Variants in KLF6 observed in about 807,000 individuals in gnomAD.
KLF6 encodes the protein KLF transcription factor 6.
For missense variants in KLF6, 233 were observed against 359.8 expected, an observed-to-expected ratio of 0.65 and a Z score of 2.85; for synonymous variants, 152 against 147.9, an observed-to-expected ratio of 1.03 and a Z score of -0.20.
Position 3,784,604 on chromosome 10 carries a change from A to AC in KLF6, c.102+308_102+309insG, listed in dbSNP as rs574404143. On this transcript the variant is annotated intron_variant, in intron 1 of 3. Transcript: ENST00000497571. ...AAAACAACAAAAAACAAACAAACAA[A>AC]AAAAAAACACCTTGGCAGGCAGAGC... 1.3e-3 allele frequency among the ~76,000 whole-genome samples: 192 copies of AC among 152,026 alleles called. 2 individuals are homozygous for AC. The highest frequency in any genetic ancestry group is 5.8e-3 in the South Asian group (28 of 4,808).
At position 3,776,250 on chromosome 10, in the gene KLF6, C is replaced by T. The variant is rs1486868550; in HGVS notation, c.*3289G>A. ...GTGCAGGTGCCTCTGCAATGCATTCCCTGGCTTGAGCAATGGAAGATCAAA... is the reference window on the plus strand; with the variant it reads ...GTGCAGGTGCCTCTGCAATGCATTCTCTGGCTTGAGCAATGGAAGATCAAA... On this transcript the variant is annotated 3_prime_UTR_variant, in exon 4 of 4. Coordinates refer to ENST00000497571, the MANE Select transcript of KLF6 (RefSeq NM_001300.6). The T allele has an allele frequency of 1.9e-6, 1 of 525,780 alleles. No homozygotes were observed. Among genetic ancestry groups the T allele is most frequent in the Non-Finnish European group, 3.7e-6 (1 of 271,922 alleles). 32.6% of individuals were successfully genotyped at this position (525,780 alleles called of 1,614,324 possible). A position where few individuals can be genotyped will look rare whatever the true frequency, so the allele number is the denominator to read the frequency against.
In KLF6 at chr10:3,776,508, G is replaced by T. The variant is rs1329088359; in HGVS notation, c.*3031C>A. The T allele has an allele frequency of 1.9e-6, 1 of 529,386 alleles. No individual in the cohort carries two copies. Among genetic ancestry groups the T allele is most frequent in the African/African-American group, 1.9e-5 (1 of 53,470 alleles). 32.8% of individuals were successfully genotyped at this position (529,386 alleles called of 1,614,324 possible). A position where few individuals can be genotyped will look rare whatever the true frequency, so the allele number is the denominator to read the frequency against. On this transcript the variant is annotated 3_prime_UTR_variant, in exon 4 of 4. Transcript: ENST00000497571. ...AGGGTGATGAATGCAGGAGGAATCT[G>T]TTCCAACAACCCCCTTCCCCCAAAA...
rs746349787 is a variant in KLF6 at position 3,781,527 on chromosome 10, G to A, written c.676+114C>T. On this transcript the variant is annotated intron_variant, in intron 2 of 3. Coordinates refer to ENST00000497571, the MANE Select transcript of KLF6 (RefSeq NM_001300.6). The surrounding 1 kb of genome is among the most constrained non-coding windows in gnomAD (Gnocchi z 5.8). The stretch of plus-strand genomic sequence containing the variant: ...TGGTGGAAAACATCTGAGGAAGTGA[G>A]GATTTGTCTGCCCTGACCACATCCT... 21 of 1,556,916 alleles carry A rather than the reference G, an allele frequency of 1.3e-5. No individual in the cohort carries two copies. The highest frequency in any genetic ancestry group is 1.8e-5 in the Non-Finnish European group (21 of 1,150,236).
At position 3,782,044 on chromosome 10, in the gene KLF6, G is replaced by T; in HGVS notation, c.273C>A (p.Ile91=). The change falls in exon 2 of 4, where the codon ATC becomes ATA. Residue 91 remains isoleucine, a synonymous_variant. Coordinates refer to ENST00000497571, the MANE Select transcript of KLF6 (RefSeq NM_001300.6). This position sits in a 1 kb window ranked among gnomAD's most constrained non-coding sequence, Gnocchi z 4.3. ...CTAAGTTGTAACAAAAGCTCGGGCT[G>T]ATGAGAGTGTCCTCTGGAGGACTGG... The part of the protein sequence containing the change: ...ISSSPPEDTL[I]SPSFCYNLET... 1 of 1,614,222 alleles carries T rather than the reference G, an allele frequency of 6.2e-7. No homozygotes were observed. Among genetic ancestry groups the T allele is most frequent in the Non-Finnish European group, 8.5e-7 (1 of 1,180,036 alleles).
In KLF6 at chr10:3,782,047, G is replaced by T; in HGVS notation, c.270C>A (p.Leu90=). The T allele has an allele frequency of 6.2e-7, 1 of 1,614,220 alleles. No homozygotes were observed. Among genetic ancestry groups the T allele is most frequent in the Non-Finnish European group, 8.5e-7 (1 of 1,180,030 alleles). ...KISSSPPEDT[L]ISPSFCYNLE... ...AGTTGTAACAAAAGCTCGGGCTGAT[G>T]AGAGTGTCCTCTGGAGGACTGGAAG... Residue 90 remains leucine (L), a synonymous_variant, in exon 2 of 4, where the codon CTC becomes CTA. Coordinates refer to ENST00000497571, the MANE Select transcript of KLF6 (RefSeq NM_001300.6). The surrounding 1 kb of genome is among the most constrained non-coding windows in gnomAD (Gnocchi z 4.3).
rs1252644379 is a variant in KLF6, at chr10:3,776,046, T to G, written c.*3493A>C. ...CTGCCCTCCTTGACTGAGAGTGGGCTGAGGTTGTGAGAACAGCCCTCTGGC... is the reference window on the plus strand; with the variant it reads ...CTGCCCTCCTTGACTGAGAGTGGGCGGAGGTTGTGAGAACAGCCCTCTGGC... On this transcript the variant is annotated 3_prime_UTR_variant, in exon 4 of 4. Transcript: ENST00000497571. 2.0e-6 allele frequency: 1 copy of G among 512,592 alleles called. No homozygotes were observed. Among genetic ancestry groups the G allele is most frequent in the South Asian group, 1.5e-5 (1 of 64,754 alleles). 31.8% of individuals were successfully genotyped at this position (512,592 alleles called of 1,614,324 possible).
rs753610916 is a variant in KLF6, at chr10:3,782,085, C to T, written c.232G>A (p.Glu78Lys). The T allele has an allele frequency of 6.2e-7, 1 of 1,614,108 alleles. No individual in the cohort carries two copies. Among genetic ancestry groups the T allele is most frequent in the Non-Finnish European group, 8.5e-7 (1 of 1,179,992 alleles). The part of the protein sequence containing the change: ...ILAREKKEES[E>K]LKISSSPPED... ...GGAGGACTGGAAGATATCTTCAGTT[C>T]GGATTCCTCCTTTTTCTCCCGAGCC... The change falls in exon 2 of 4, where the codon GAA (glutamate) becomes AAA (lysine). Residue 78 changes from glutamate to lysine, a missense_variant. By Grantham distance (56) the Glu-to-Lys change is moderately conservative (BLOSUM62 1). Transcript: ENST00000497571. The surrounding 1 kb of genome is among the most constrained non-coding windows in gnomAD (Gnocchi z 4.3).
At position 3,781,638 on chromosome 10, in the gene KLF6, G is replaced by A; in HGVS notation, c.676+3C>T. ...GCCCTCCGGGGCCCGCGTGGGCACT[G>A]ACCTGTGTGCGTCCGCTGGTGTGCT... is the stretch of plus-strand genomic sequence containing the variant. On this transcript the variant is annotated splice_donor_region_variant and intron_variant, in intron 2 of 3. Coordinates refer to ENST00000497571, the MANE Select transcript of KLF6 (RefSeq NM_001300.6). The surrounding 1 kb of genome is among the most constrained non-coding windows in gnomAD (Gnocchi z 5.8). 1 of 1,612,820 alleles carries A rather than the reference G, an allele frequency of 6.2e-7. No homozygotes were observed.
At chr10:3,784,757 T>C (rs1486979830) in intron 1 of KLF6, among the ~76,000 whole-genome samples, 156 bp downstream of exon 1, 1 of 152,132 alleles carries the variant, frequency 6.6e-6, no homozygotes, top group Non-Finnish European at 1.5e-5. Flanking sequence ...GATCGCAGCC[T>C]GGAGGATCGA....
chr10:3,776,896 G>A lies in KLF6; in HGVS notation c.*2643C>T, dbSNP rs894632215. The A allele has an allele frequency of 9.6e-6, 5 of 518,984 alleles. No homozygotes were observed. The highest frequency in any genetic ancestry group is 3.2e-5 in the South Asian group (2 of 63,144). 32.1% of individuals were successfully genotyped at this position (518,984 alleles called of 1,614,324 possible). A position where few individuals can be genotyped will look rare whatever the true frequency, so the allele number is the denominator to read the frequency against. On this transcript the variant is annotated 3_prime_UTR_variant, in exon 4 of 4. Coordinates refer to ENST00000497571, the MANE Select transcript of KLF6 (RefSeq NM_001300.6). Reference sequence around the variant, plus strand: ...CAGGCAAACAGCTCCGACATGTTTCGTAAGTGAGACAAGCCAGTGCAAGTT... The same window carrying A: ...CAGGCAAACAGCTCCGACATGTTTCATAAGTGAGACAAGCCAGTGCAAGTT...
At position 3,778,364 on chromosome 10, in the gene KLF6, A is replaced by T; in HGVS notation, c.*1175T>A. ...TAGTCCTCAAGGCATAAATAAGAGA[A>T]ACATAGCTGCATGAGAAAACAGTTT... is the stretch of plus-strand genomic sequence containing the variant. On this transcript the variant is annotated 3_prime_UTR_variant, in exon 4 of 4. Transcript: ENST00000497571. 1 of 524,554 alleles carries T rather than the reference A, an allele frequency of 1.9e-6. No homozygotes were observed. Among genetic ancestry groups the T allele is most frequent in the Non-Finnish European group, 3.7e-6 (1 of 270,278 alleles). 32.5% of individuals were successfully genotyped at this position (524,554 alleles called of 1,614,324 possible).
In KLF6 at chr10:3,776,930, TC is replaced by T. The variant is rs1346661929; in HGVS notation, c.*2608del. The stretch of plus-strand genomic sequence containing the variant: ...ACAAGCCAGTGCAAGTTTTTTTTTT[TC>T]CTTTTTTTTTTTTTGTCTTTTGCTT... On this transcript the variant is annotated 3_prime_UTR_variant, in exon 4 of 4. Coordinates refer to ENST00000497571, the MANE Select transcript of KLF6 (RefSeq NM_001300.6). 6 of 499,360 alleles carry T rather than the reference TC, an allele frequency of 1.2e-5. No individual in the cohort carries two copies. Among genetic ancestry groups the T allele is most frequent in the East Asian group, 4.1e-5 (1 of 24,112 alleles). The allele number at this position is 499,360 out of a possible 1,614,324, so 30.9% of individuals were successfully genotyped here.
Position 3,780,275 on chromosome 10 carries a change from G to T in KLF6, c.677-46C>A. 6.2e-7 allele frequency: 1 copy of T among 1,609,264 alleles called. No individual in the cohort carries two copies. On this transcript the variant is annotated intron_variant, in intron 2 of 3. Transcript: ENST00000497571. This position sits in a 1 kb window ranked among gnomAD's most constrained non-coding sequence, Gnocchi z 4.6. Reference sequence around the variant, plus strand: ...AAGCAGCCCATGACTTCACTGACCCGCAGACGGAAAGGGGAAATTCAACAA... The same window carrying T: ...AAGCAGCCCATGACTTCACTGACCCTCAGACGGAAAGGGGAAATTCAACAA...
At chr10:3,779,721 A>T in intron 3 of KLF6, 131 bp from the exon 4 acceptor site, 1 of 809,652 alleles carries the variant, frequency 1.2e-6, no homozygotes, top group Non-Finnish European at 2.1e-6. Flanking sequence ...TCTCCTCCCA[A>T]GCCTCATCAG....
chr10:3,779,155 A>T lies in KLF6; in HGVS notation c.*384T>A. The T allele has an allele frequency of 1.8e-6, 1 of 543,870 alleles. No individual in the cohort carries two copies. The highest frequency in any genetic ancestry group is 3.8e-5 in the East Asian group (1 of 26,030). The allele number at this position is 543,870 out of a possible 1,614,324, so 33.7% of individuals were successfully genotyped here. A position where few individuals can be genotyped will look rare whatever the true frequency, so the allele number is the denominator to read the frequency against. ...TCCTTACACACAAAACATTCAAACTACTTTTTTTCCATCTCTTGCAGTCTT... is the reference window on the plus strand; with the variant it reads ...TCCTTACACACAAAACATTCAAACTTCTTTTTTTCCATCTCTTGCAGTCTT... On this transcript the variant is annotated 3_prime_UTR_variant, in exon 4 of 4. Transcript: ENST00000497571.
chr10:3,776,034 C>T lies in KLF6; in HGVS notation c.*3505G>A, dbSNP rs969703308. On this transcript the variant is annotated 3_prime_UTR_variant, in exon 4 of 4. Coordinates refer to ENST00000497571, the MANE Select transcript of KLF6 (RefSeq NM_001300.6). ...ATCTTTTATTTTCTGCCCTCCTTGA[C>T]TGAGAGTGGGCTGAGGTTGTGAGAA... is the stretch of plus-strand genomic sequence containing the variant. 1.6e-5 allele frequency: 8 copies of T among 501,394 alleles called. No homozygotes were observed. In the Admixed American group the frequency reaches 1.6e-4, roughly 10 times the overall value. 31.1% of individuals were successfully genotyped at this position (501,394 alleles called of 1,614,324 possible). A position where few individuals can be genotyped will look rare whatever the true frequency, so the allele number is the denominator to read the frequency against.
In KLF6 at chr10:3,778,562, T is replaced by G. The variant is rs1832447540; in HGVS notation, c.*977A>C. The G allele has an allele frequency of 1.9e-6, 1 of 520,300 alleles. No homozygotes were observed. Among genetic ancestry groups the G allele is most frequent in the South Asian group, 1.5e-5 (1 of 64,746 alleles). The allele number at this position is 520,300 out of a possible 1,614,324, so 32.2% of individuals were successfully genotyped here. A position where few individuals can be genotyped will look rare whatever the true frequency, so the allele number is the denominator to read the frequency against. On this transcript the variant is annotated 3_prime_UTR_variant, in exon 4 of 4. Transcript: ENST00000497571. Reference sequence around the variant, plus strand: ...AAAGTTAATTCAAATTCAGAATCATTTAAAAATAATCCTGTGTTGCACAAT... The same window carrying G: ...AAAGTTAATTCAAATTCAGAATCATGTAAAAATAATCCTGTGTTGCACAAT...
Position 3,782,604 on chromosome 10 carries a change from A to G in KLF6, c.103-390T>C, listed in dbSNP as rs1455439043. Among the ~76,000 whole-genome samples, 2 of 152,214 alleles carry G rather than the reference A, an allele frequency of 1.3e-5. No individual in the cohort carries two copies. Among genetic ancestry groups the G allele is most frequent in the African/African-American group, 2.4e-5 (1 of 41,454 alleles). ...AACAGGTTCAACCAGATTATCTGAC[A>G]TTGTCAAGAACCATGTGTTTTAAGG... On this transcript the variant is annotated intron_variant, in intron 1 of 3. Transcript: ENST00000497571. This position sits in a 1 kb window ranked among gnomAD's most constrained non-coding sequence, Gnocchi z 4.3.
rs1176790660 is a variant in KLF6, at chr10:3,776,694, G to A, written c.*2845C>T. ...CTTACAAAGATTCTTTAGATAACAGGGTGCTTCCAAAAAAAAAAAAAAAAG... is the reference window on the plus strand; with the variant it reads ...CTTACAAAGATTCTTTAGATAACAGAGTGCTTCCAAAAAAAAAAAAAAAAG... On this transcript the variant is annotated 3_prime_UTR_variant, in exon 4 of 4. Coordinates refer to ENST00000497571, the MANE Select transcript of KLF6 (RefSeq NM_001300.6). 8.7e-6 allele frequency: 4 copies of A among 458,976 alleles called. No homozygotes were observed. Among genetic ancestry groups the A allele is most frequent in the Non-Finnish European group, 1.6e-5 (4 of 245,480 alleles). 28.4% of individuals were successfully genotyped at this position (458,976 alleles called of 1,614,324 possible).
Sources: gnomAD v4.1 joint callset for allele counts (sites outside exome capture counted in the v4.1 genomes callset) on GRCh38, gnomAD v4.1.1 for gene constraint, Gnocchi (gnomAD v3.1) non-coding constraint, MANE v1.5 for transcripts, NCBI Gene and HGNC (gene_info 2026-07-23, HGNC 2026-07-21) for gene names.